Variants in PRKCB observed in about 807,000 individuals in gnomAD.
PRKCB encodes protein kinase C beta, also known as protein kinase C beta type.
PRKCB carries 13 observed loss-of-function variants against 81.5 expected under a neutral mutation model. The observed-to-expected ratio is 0.16, with a 90% CI of 0.10 to 0.25. PRKCB has a LOEUF of 0.25. PRKCB is among the 10% of genes least tolerant of loss of function. The pLI is 1.00. For synonymous variants in PRKCB, 335 were observed against 321.4 expected (o/e 1.04, Z -0.45); for missense variants, 509 against 875.7 (o/e 0.58, Z 5.29).
At chr16:23,958,083 C>T (rs1348092554) in intron 2 of PRKCB, among the ~76,000 whole-genome samples, 2 of 152,218 alleles carry the variant, frequency 1.3e-5, no homozygotes, top group Non-Finnish European at 2.9e-5. Flanking sequence ...CCTCTGCTTC[C>T]CAAGTTCAAG....
At chr16:23,866,838 T>C (rs943712848) in intron 2 of PRKCB, among the ~76,000 whole-genome samples, 2 of 152,164 alleles carry the variant, frequency 1.3e-5, no homozygotes, top group Admixed American at 1.3e-4. Context: ...GACCATGATA[T>C]TATCAGGCCT....
At chr16:24,002,051 T>G (rs1965041447) in intron 3 of PRKCB, among the ~76,000 whole-genome samples, 1 of 152,190 alleles carries the variant, frequency 6.6e-6, no homozygotes, top group Admixed American at 6.5e-5. Flanking sequence ...TTGTGTGGGT[T>G]ACTTGGGTGA....
At chr16:24,129,215 T>C (rs950016114) in intron 9 of PRKCB, among the ~76,000 whole-genome samples, 5 of 152,170 alleles carry the variant, frequency 3.3e-5, no homozygotes, top group African/African-American at 1.2e-4. Context: ...GCAGGAAAGT[T>C]TGAATGGAGG....
intron 9 of PRKCB, among the ~76,000 whole-genome samples, chr16:24,129,694 A>G (rs1170324804): frequency 1.4e-5 from 2 of 146,818 alleles, no homozygotes; most frequent in African/African-American, 5.2e-5. Context: ...CTTATTATCT[A>G]TCATCTGTCT....
At chr16:24,156,254 G>A (rs6497727) in intron 10 of PRKCB, among the ~76,000 whole-genome samples, 7,814 of 151,902 alleles carry the variant, frequency 0.051, 674 homozygotes, top group African/African-American at 0.18. Context: ...TTGGTTCACT[G>A]TTGTGCTCCA....
intron 2 of PRKCB, among the ~76,000 whole-genome samples, chr16:23,896,938 A>T (rs1203039015): frequency 6.6e-6 from 1 of 151,706 alleles, no homozygotes; most frequent in Non-Finnish European, 1.5e-5. Flanking sequence ...TCATCCATCC[A>T]TTCATCCATC....
intron 16 of PRKCB, chr16:24,191,480 G>A (rs192596417): frequency 2.5e-4 from 100 of 393,426 alleles, no homozygotes; most frequent in Non-Finnish European, 4.0e-4. Flanking sequence ...TTCAATTATT[G>A]TAACTGTCTT....
At chr16:24,209,312 T>A (rs1160819873) in intron 16 of PRKCB, among the ~76,000 whole-genome samples, 1 of 146,848 alleles carries the variant, frequency 6.8e-6, no homozygotes, top group African/African-American at 2.7e-5. Flanking sequence ...CTGCCTCCCC[T>A]TTCTACAGTC....
intron 2 of PRKCB, among the ~76,000 whole-genome samples, chr16:23,906,500 A>G (rs1418453745): frequency 6.6e-6 from 1 of 152,316 alleles, no homozygotes; most frequent in East Asian, 1.9e-4. Context: ...TAAACTCTGT[A>G]GACATTAAAA....
chr16:24,112,833 CAAACCAA>C, intron 7 of PRKCB, 133 bp from the exon 8 acceptor site: 3 of 201,210 alleles, frequency 1.5e-5, no homozygotes, highest in South Asian at 9.4e-5. Context: ...TACTGAAAAA[CAAACCAA>C]AACAAACCAA....
intron 7 of PRKCB, chr16:24,099,020 A>G (rs1371143435): frequency 6.6e-6 from 1 of 152,142 alleles, no homozygotes; most frequent in East Asian, 1.9e-4. Flanking sequence ...TTTTAAATCA[A>G]ACTTAAAGAG....
At chr16:24,180,997 A>C (rs1596585926) in intron 13 of PRKCB, 69 bp downstream of exon 13, 8 of 1,580,602 alleles carry the variant, frequency 5.1e-6, no homozygotes, top group Non-Finnish European at 6.9e-6. Flanking sequence ...GCTGTGTGAG[A>C]GCTGGGAAGG....
intron 3 of PRKCB, among the ~76,000 whole-genome samples, chr16:24,021,271 T>C: frequency 8.0e-6 from 1 of 124,494 alleles, no homozygotes; most frequent in Non-Finnish European, 1.7e-5. Context: ...CCTTTCTTTT[T>C]CTTTCTTTTC....
At chr16:23,915,732 A>AT (rs1317438707) in intron 2 of PRKCB, among the ~76,000 whole-genome samples, 1 of 131,524 alleles carries the variant, frequency 7.6e-6, no homozygotes, top group African/African-American at 2.7e-5. Context: ...TGGATTCTTT[A>AT]TTTTTTTAAT....
At position 24,188,252 on chromosome 16, in the gene PRKCB, C is replaced by T. The variant is rs547905179; in HGVS notation, c.1722+2685C>T. 2.6e-5 allele frequency among the ~76,000 whole-genome samples: 4 copies of T among 152,314 alleles called. No homozygotes were observed. The South Asian group carries it at 8.3e-4, about 32-fold the overall frequency. ...TGAGTGGGCTGAGTCCAATGGGGCT[C>T]TTCCTTCAAGGAGGGTACTCCAAAA... On this transcript the variant is annotated intron_variant, in intron 15 of 16. Coordinates refer to ENST00000643927, the MANE Select transcript of PRKCB (RefSeq NM_002738.7).
intron 2 of PRKCB, among the ~76,000 whole-genome samples, chr16:23,973,308 A>G (rs1431930061): frequency 1.3e-5 from 2 of 151,962 alleles, no homozygotes; most frequent in East Asian, 1.9e-4. Context: ...CAGCCTCCCA[A>G]GTAGCTGGGA....
chr16:24,017,834 A>T (rs1264564073), intron 3 of PRKCB, among the ~76,000 whole-genome samples: 1 of 150,388 alleles, frequency 6.6e-6, no homozygotes, highest in African/African-American at 2.5e-5. Context: ...GCCTCAAGTG[A>T]TCCTCCCACT....
intron 9 of PRKCB, among the ~76,000 whole-genome samples, chr16:24,139,150 C>T (rs964943267): frequency 1.3e-5 from 2 of 151,042 alleles, no homozygotes; most frequent in African/African-American, 4.9e-5. Context: ...CCGTGCCTGG[C>T]CCCAGTATTT....
intron 3 of PRKCB, among the ~76,000 whole-genome samples, chr16:24,006,747 C>T (rs2879908): frequency 6.7e-6 from 1 of 148,808 alleles, no homozygotes; most frequent in Non-Finnish European, 1.5e-5. Flanking sequence ...ACTCTTGGGT[C>T]GGGCTTTTAA....
Sources: gnomAD v4.1 joint callset for allele counts (sites outside exome capture counted in the v4.1 genomes callset) on GRCh38, gnomAD v4.1.1 for gene constraint, MANE v1.5 for transcripts, NCBI Gene and HGNC (gene_info 2026-07-23, HGNC 2026-07-21) for gene names.